Variants in AP3S1 observed in about 807,000 individuals in gnomAD.
AP3S1 encodes adaptor related protein complex 3 subunit sigma 1, also known as AP-3 complex subunit sigma-1.
Under a neutral mutation model 21.3 loss-of-function variants are expected in AP3S1, and 12 were observed. The ratio of observed to expected loss-of-function variants is 0.56; its 90% CI spans 0.36 to 0.91. The LOEUF (loss-of-function observed/expected upper bound fraction) is 0.91. Among genes scored for constraint, AP3S1 ranks in the 40% least tolerant of loss-of-function variants. The pLI, the probability that AP3S1 is intolerant of heterozygous loss-of-function variation, is 0.01. For synonymous variants in AP3S1, 48 were observed against 78.4 expected (o/e 0.61, Z 2.05); for missense variants, 116 against 225.0 (o/e 0.52, Z 3.10).
chr5:115,874,247 C>T (rs1748515909), intron 3 of AP3S1, among the ~76,000 whole-genome samples: 1 of 151,920 alleles, frequency 6.6e-6, no homozygotes, highest in South Asian at 2.1e-4. Context: ...ATATTAACTG[C>T]TATGTATGCC....
chr5:115,864,018 C>G (rs922264893), intron 1 of AP3S1, among the ~76,000 whole-genome samples: 13 of 152,172 alleles, frequency 8.5e-5, no homozygotes, highest in Non-Finnish European at 1.6e-4. Context: ...AGAAAAAAAT[C>G]TACCACAAAA....
chr5:115,867,901 T>A (rs1267192658), intron 2 of AP3S1, among the ~76,000 whole-genome samples: 2 of 152,180 alleles, frequency 1.3e-5, no homozygotes, highest in Admixed American at 1.3e-4. Context: ...AAATTGTGAT[T>A]GTTCTTTTTT....
intron 1 of AP3S1, among the ~76,000 whole-genome samples, chr5:115,851,891 AT>A (rs1296873260): frequency 1.3e-5 from 2 of 151,950 alleles, no homozygotes; most frequent in African/African-American, 4.8e-5. Context: ...CCCAGAAAAT[AT>A]TTTTTTAATT....
chr5:115,875,142 T>G (rs183274425), intron 3 of AP3S1, among the ~76,000 whole-genome samples: 1 of 148,980 alleles, frequency 6.7e-6, no homozygotes, highest in Admixed American at 6.7e-5. Context: ...AGTAAATATG[T>G]TTTTTTTTAA....
intron 1 of AP3S1, among the ~76,000 whole-genome samples, chr5:115,859,744 TATTATC>T (rs1355408053): frequency 6.6e-6 from 1 of 152,206 alleles, no homozygotes; most frequent in East Asian, 1.9e-4. Flanking sequence ...TTGGTATCTC[TATTATC>T]ATTATCTTTA....
At chr5:115,907,964 C>T (rs192747627) in intron 5 of AP3S1, among the ~76,000 whole-genome samples, 3 of 152,032 alleles carry the variant, frequency 2.0e-5, no homozygotes, top group East Asian at 3.9e-4. Flanking sequence ...TATAAACTTA[C>T]GAAGTTAGAT....
chr5:115,860,227 A>G (rs1763075715), intron 1 of AP3S1, among the ~76,000 whole-genome samples: 1 of 152,208 alleles, frequency 6.6e-6, no homozygotes. Context: ...CCCAGGAAAG[A>G]TTCTCAGATT....
At chr5:115,844,495 A>G (rs1761913182) in intron 1 of AP3S1, among the ~76,000 whole-genome samples, 1 of 152,234 alleles carries the variant, frequency 6.6e-6, no homozygotes, top group Non-Finnish European at 1.5e-5. Flanking sequence ...AGCCTTGCAG[A>G]TATCTGGGGG....
At chr5:115,857,585 A>T (rs907186118) in intron 1 of AP3S1, among the ~76,000 whole-genome samples, 2 of 152,222 alleles carry the variant, frequency 1.3e-5, no homozygotes, top group African/African-American at 4.8e-5. Context: ...TAATAGTTTC[A>T]TAAGGTTTGT....
intron 1 of AP3S1, among the ~76,000 whole-genome samples, chr5:115,860,965 A>C (rs900462440): frequency 6.6e-6 from 1 of 152,218 alleles, no homozygotes; most frequent in Non-Finnish European, 1.5e-5. Context: ...CCTGTCTTCT[A>C]GATTACAAAT....
At chr5:115,911,559 G>A (rs771827137) in intron 5 of AP3S1, among the ~76,000 whole-genome samples, 2 of 151,938 alleles carry the variant, frequency 1.3e-5, no homozygotes, top group African/African-American at 2.4e-5. Context: ...CCTCCAGGAC[G>A]TCTGCAATTT....
chr5:115,873,646 A>G (rs572656064), intron 3 of AP3S1, among the ~76,000 whole-genome samples: 3 of 152,314 alleles, frequency 2.0e-5, no homozygotes, highest in Admixed American at 1.3e-4. Flanking sequence ...TTTAAAAAAC[A>G]TCAGTTGAAT....
At chr5:115,870,222 A>G in intron 3 of AP3S1, 94 bp downstream of exon 3, 1 of 753,132 alleles carries the variant, frequency 1.3e-6, no homozygotes, top group Middle Eastern at 4.0e-4. Context: ...AAATGATGTT[A>G]GTAAGAAATA....
At chr5:115,844,847 G>A (rs994836749) in intron 1 of AP3S1, among the ~76,000 whole-genome samples, 1 of 151,906 alleles carries the variant, frequency 6.6e-6, no homozygotes, top group Non-Finnish European at 1.5e-5. Context: ...ATAATTCCTC[G>A]TGGCAGCCAT....
chr5:115,850,911 G>T (rs2112780256), intron 1 of AP3S1, among the ~76,000 whole-genome samples: 1 of 152,240 alleles, frequency 6.6e-6, no homozygotes, highest in Non-Finnish European at 1.5e-5. Flanking sequence ...AAGGGGACAT[G>T]GAGTGGGCTG....
chr5:115,868,961 G>T (rs1446117335), intron 2 of AP3S1, among the ~76,000 whole-genome samples: 2 of 121,504 alleles, frequency 1.6e-5, no homozygotes, highest in Admixed American at 8.2e-5. Flanking sequence ...AAGGGAGGGA[G>T]GGAGGGAGGG....
At chr5:115,867,932 G>A (rs751341584) in intron 2 of AP3S1, among the ~76,000 whole-genome samples, 2 of 152,148 alleles carry the variant, frequency 1.3e-5, no homozygotes, top group Non-Finnish European at 2.9e-5. Flanking sequence ...AAAATAGAAA[G>A]CAAATATTGC....
At chr5:115,894,769 C>G (rs1750604919) in intron 3 of AP3S1, among the ~76,000 whole-genome samples, 1 of 152,170 alleles carries the variant, frequency 6.6e-6, no homozygotes, top group Non-Finnish European at 1.5e-5. Flanking sequence ...CTTTCTTCCC[C>G]CTCACATTAA....
chr5:115,896,953 T>C (rs975649144), intron 4 of AP3S1, among the ~76,000 whole-genome samples: 1 of 152,168 alleles, frequency 6.6e-6, no homozygotes, highest in African/African-American at 2.4e-5. Context: ...TTATATTTTT[T>C]TTACTAGAGA....
Sources: gnomAD v4.1 joint callset for allele counts (sites outside exome capture counted in the v4.1 genomes callset) on GRCh38, gnomAD v4.1.1 for gene constraint, MANE v1.5 for transcripts, NCBI Gene and HGNC (gene_info 2026-07-23, HGNC 2026-07-21) for gene names.